UTRN: variants seen among roughly 807,000 people sequenced by gnomAD.
UTRN encodes the protein dystrophin-related protein 1.
A neutral mutation model predicts 463.9 loss-of-function variants in UTRN; 283 were observed. The ratio of observed to expected loss-of-function variants is 0.61; its 90% CI spans 0.55 to 0.67. UTRN has a LOEUF of 0.67. Ranked by LOEUF, UTRN falls within the 30% of genes least tolerant of loss-of-function variation. UTRN has a pLI of 0.00. For missense variants in UTRN, 3,922 were observed against 4,084.3 expected, an observed-to-expected ratio of 0.96 and a Z score of 1.08; for synonymous variants, 1,442 against 1,431.5, an observed-to-expected ratio of 1.01 and a Z score of -0.17.
chr6:144,817,038 C>A (rs1779151015), intron 65 of UTRN, among the ~76,000 whole-genome samples: 1 of 152,062 alleles, frequency 6.6e-6, no homozygotes, highest in Non-Finnish European at 1.5e-5. Context: ...AAAACAGTTC[C>A]ATTTTTCTAG....
At chr6:144,807,949 A>G (rs1167808666) in intron 65 of UTRN, among the ~76,000 whole-genome samples, 2 of 152,156 alleles carry the variant, frequency 1.3e-5, no homozygotes, top group Admixed American at 1.3e-4. Flanking sequence ...CTAAGAGATC[A>G]TCTAACTTAT....
In UTRN at chr6:144,426,467, A is replaced by C. The variant is rs1324550571; in HGVS notation, c.578+8A>C. 1 of 1,612,352 alleles carries C rather than the reference A, an allele frequency of 6.2e-7. No individual in the cohort carries two copies. The highest frequency in any genetic ancestry group is 8.5e-7 in the Non-Finnish European group (1 of 1,179,254). ...TGTCCTCCACCGACATAAGTGAGAC[A>C]TTACTCTATCTAGAAGTGGGCTTTA... On this transcript the variant is annotated splice_region_variant and intron_variant, in intron 7 of 74. Transcript: ENST00000367545.
At chr6:144,808,868 C>T (rs1778372190) in intron 65 of UTRN, among the ~76,000 whole-genome samples, 2 of 151,970 alleles carry the variant, frequency 1.3e-5, no homozygotes, top group Admixed American at 6.6e-5. Context: ...TTTTTTATGA[C>T]TGGATATATT....
At chr6:144,312,928 G>T (rs756832167) in intron 2 of UTRN, among the ~76,000 whole-genome samples, 2 of 152,326 alleles carry the variant, frequency 1.3e-5, no homozygotes, top group African/African-American at 2.4e-5. Context: ...GGCTCCAGGG[G>T]TGTACCAAAG....
At chr6:144,522,441 AC>A (rs1383900858) in intron 40 of UTRN, among the ~76,000 whole-genome samples, 2 of 152,182 alleles carry the variant, frequency 1.3e-5, no homozygotes, top group Non-Finnish European at 2.9e-5. Context: ...AGAGACATAG[AC>A]CACCTTCCTG....
At chr6:144,373,291 A>C (rs1398860389) in intron 2 of UTRN, among the ~76,000 whole-genome samples, 1 of 152,232 alleles carries the variant, frequency 6.6e-6, no homozygotes, top group East Asian at 1.9e-4. Context: ...CGACGAATGG[A>C]TCAACAAAAT....
In UTRN at chr6:144,421,984, C is replaced by T. The variant is rs758959067; in HGVS notation, c.234+14C>T. 8.7e-6 allele frequency: 14 copies of T among 1,602,448 alleles called. 1 individual carries two copies. The highest frequency in any genetic ancestry group is 5.1e-6 in the Non-Finnish European group (6 of 1,173,660). ...GGAACATCACTGGTGAGCAAGTCATCTTTGTAAACAACGGAGTCTCCGGTC... is the reference window on the plus strand; with the variant it reads ...GGAACATCACTGGTGAGCAAGTCATTTTTGTAAACAACGGAGTCTCCGGTC... On this transcript the variant is annotated intron_variant, in intron 4 of 74. Coordinates refer to ENST00000367545, the MANE Select transcript of UTRN (RefSeq NM_007124.3).
chr6:144,750,642 A>C (rs1791293066), intron 55 of UTRN, among the ~76,000 whole-genome samples: 1 of 152,172 alleles, frequency 6.6e-6, no homozygotes, highest in Non-Finnish European at 1.5e-5. Flanking sequence ...GTACATTATT[A>C]ACTATAATTT....
intron 2 of UTRN, among the ~76,000 whole-genome samples, chr6:144,303,422 C>A (rs1216949685): frequency 6.6e-6 from 1 of 152,184 alleles, no homozygotes; most frequent in Non-Finnish European, 1.5e-5. Context: ...TGTAGTTTTT[C>A]AAATCGTACT....
intron 58 of UTRN, among the ~76,000 whole-genome samples, chr6:144,768,883 A>G (rs1793647367): frequency 6.7e-6 from 1 of 150,360 alleles, no homozygotes; most frequent in South Asian, 2.1e-4. Flanking sequence ...TACATGTCAC[A>G]TGTTCTCACT....
intron 55 of UTRN, among the ~76,000 whole-genome samples, chr6:144,751,333 T>A: frequency 6.6e-6 from 1 of 152,192 alleles, no homozygotes; most frequent in East Asian, 1.9e-4. Flanking sequence ...TTTTAAAAGT[T>A]TGAATTATAA....
chr6:144,382,389 A>G (rs116382017), intron 2 of UTRN, among the ~76,000 whole-genome samples: 1,633 of 152,304 alleles, frequency 0.011, 23 homozygotes, highest in African/African-American at 0.037. Flanking sequence ...TCTCTGGATG[A>G]CTGGGCTGCA....
At chr6:144,433,166 T>C (rs1234489757) in intron 9 of UTRN, among the ~76,000 whole-genome samples, 35 of 152,186 alleles carry the variant, frequency 2.3e-4, no homozygotes, top group African/African-American at 7.9e-4. Context: ...AAAACCGCCA[T>C]TGTCATCATG....
At chr6:144,446,980 G>A (rs759275324) in intron 14 of UTRN, among the ~76,000 whole-genome samples, 12 of 152,160 alleles carry the variant, frequency 7.9e-5, no homozygotes, top group Non-Finnish European at 1.2e-4. Context: ...AGTTCCCTAG[G>A]TATGAGGCTA....
chr6:144,469,936 T>C (rs1790349011), intron 23 of UTRN, among the ~76,000 whole-genome samples: 1 of 152,088 alleles, frequency 6.6e-6, no homozygotes, highest in South Asian at 2.1e-4. Context: ...AGCATCTGTT[T>C]AACAAAGCAC....
chr6:144,636,805 T>C (rs948847587), intron 51 of UTRN, among the ~76,000 whole-genome samples: 4 of 152,182 alleles, frequency 2.6e-5, no homozygotes. Flanking sequence ...TGAACTCTCA[T>C]TCTCTCTCTC....
chr6:144,514,850 T>G (rs1156428266), intron 37 of UTRN, 30 bp downstream of exon 37: 3 of 1,598,294 alleles, frequency 1.9e-6, no homozygotes, highest in East Asian at 4.5e-5. Context: ...GAGTAAACCA[T>G]TTTTCCTATG....
chr6:144,612,039 G>A (rs1353617682), intron 51 of UTRN, among the ~76,000 whole-genome samples: 1 of 152,046 alleles, frequency 6.6e-6, no homozygotes, highest in Non-Finnish European at 1.5e-5. Context: ...TTGATCCATG[G>A]AACAAGATAG....
At chr6:144,348,890 C>G (rs1266417604) in intron 2 of UTRN, among the ~76,000 whole-genome samples, 2 of 151,828 alleles carry the variant, frequency 1.3e-5, no homozygotes, top group Non-Finnish European at 2.9e-5. Flanking sequence ...GCAGAGGTTG[C>G]GCCATTGCAC....
Sources: allele counts gnomAD v4.1 joint callset (sites outside exome capture counted in the v4.1 genomes callset), GRCh38; gene constraint gnomAD v4.1.1; transcripts MANE v1.5; gene names NCBI Gene and HGNC (gene_info 2026-07-23, HGNC 2026-07-21).